The following TMEM64 variants were observed in gnomAD, a reference collection of about 807,000 sequenced individuals.
TMEM64 encodes the protein transmembrane protein 64.
TMEM64 carries 19 observed loss-of-function variants against 24.5 expected under a neutral mutation model. That is an observed-to-expected ratio of 0.78 (90% CI 0.54 to 1.14). The LOEUF (loss-of-function observed/expected upper bound fraction) is 1.14. Among genes scored for constraint, TMEM64 ranks in the 50% most tolerant of loss-of-function variants. The pLI is 0.00. For synonymous variants in TMEM64, 262 were observed against 224.7 expected (o/e 1.17, Z -1.49); for missense variants, 487 against 493.0 (o/e 0.99, Z 0.12).
chr8:90,645,723 G>GGCC lies in TMEM64; in HGVS notation c.180_182dup (p.Ala61dup). The GGCC allele has an allele frequency of 2.5e-6, 3 of 1,186,940 alleles. No homozygotes were observed. Among genetic ancestry groups the GGCC allele is most frequent in the Non-Finnish European group, 3.1e-6 (3 of 960,558 alleles). 73.5% of individuals were successfully genotyped at this position (1,186,940 alleles called of 1,614,324 possible). A position where few individuals can be genotyped will look rare whatever the true frequency, so the allele number is the denominator to read the frequency against. ...GATAGGCGCCGAGCAGGGCGCCCGA[G>GGCC]GCCGCCGCTGCTGCCGCCGCCGCGC... On this transcript the variant is annotated inframe_insertion, in exon 1 of 3. Transcript: ENST00000458549. The surrounding 1 kb of genome is among the most constrained non-coding windows in gnomAD (Gnocchi z 4.2).
Position 90,623,054 on chromosome 8 carries a change from G to C in TMEM64, c.*2617C>G, listed in dbSNP as rs1586123505. ...AACCTACATGACAAAATTTGGCAAA[G>C]AGTAAACAAAATCATTAACAATAAA... On this transcript the variant is annotated 3_prime_UTR_variant, in exon 3 of 3. Transcript: ENST00000458549. The C allele has an allele frequency of 6.6e-6, 1 of 151,880 alleles. No individual in the cohort carries two copies. The highest frequency in any genetic ancestry group is 1.9e-4 in the East Asian group (1 of 5,188). 9.4% of individuals were successfully genotyped at this position (151,880 alleles called of 1,614,324 possible).
intron 1 of TMEM64, among the ~76,000 whole-genome samples, chr8:90,639,159 T>C (rs2130507572): frequency 6.6e-6 from 1 of 151,484 alleles, no homozygotes; most frequent in Middle Eastern, 3.5e-3. Flanking sequence ...GCTGAGACCC[T>C]ACCCTAACAG....
At position 90,625,573 on chromosome 8, in the gene TMEM64, C is replaced by T. The variant is rs1809343779; in HGVS notation, c.*98G>A. ...TAAAAACTAGTCAGTTTTGTTTGTG[C>T]TGTAATACAATTAGAACTTGTCTCT... is the stretch of plus-strand genomic sequence containing the variant. On this transcript the variant is annotated 3_prime_UTR_variant, in exon 3 of 3. Coordinates refer to ENST00000458549, the MANE Select transcript of TMEM64 (RefSeq NM_001008495.4). 3 of 990,148 alleles carry T rather than the reference C, an allele frequency of 3.0e-6. No homozygotes were observed. In the South Asian group the frequency reaches 6.3e-5, roughly 21 times the overall value. 61.3% of individuals were successfully genotyped at this position (990,148 alleles called of 1,614,324 possible). A position where few individuals can be genotyped will look rare whatever the true frequency, so the allele number is the denominator to read the frequency against.
intron 1 of TMEM64, among the ~76,000 whole-genome samples, chr8:90,642,317 T>C (rs1206781027): frequency 9.2e-5 from 14 of 152,150 alleles, no homozygotes; most frequent in Admixed American, 9.2e-4. Context: ...TTCCAAAGCC[T>C]GGGCCTCACA....
chr8:90,622,376 T>TATTA lies in TMEM64; in HGVS notation c.*3294_*3295insTAAT, dbSNP rs1486105225. The stretch of plus-strand genomic sequence containing the variant: ...AGTGTTATACTGAACATCATTCTGA[T>TATTA]ATAATGAGTAGCCTCTGGCTGAAAC... On this transcript the variant is annotated 3_prime_UTR_variant, in exon 3 of 3. Transcript: ENST00000458549. 6.6e-6 allele frequency: 1 copy of TATTA among 152,230 alleles called. No individual in the cohort carries two copies. Among genetic ancestry groups the TATTA allele is most frequent in the Non-Finnish European group, 1.5e-5 (1 of 68,040 alleles). 9.4% of individuals were successfully genotyped at this position (152,230 alleles called of 1,614,324 possible).
intron 2 of TMEM64, 98 bp downstream of exon 2, chr8:90,631,454 A>T: frequency 9.2e-7 from 1 of 1,081,486 alleles, no homozygotes; most frequent in African/African-American, 1.6e-5. Context: ...AAAATGGAAA[A>T]ACCCTCTGAT....
intron 2 of TMEM64, among the ~76,000 whole-genome samples, chr8:90,626,854 T>A (rs1809368423): frequency 6.6e-6 from 1 of 152,060 alleles, no homozygotes; most frequent in African/African-American, 2.4e-5. Context: ...GGTCTCAAAC[T>A]CCTGACCTCA....
At chr8:90,631,410 TGTAGTAG>T in intron 2 of TMEM64, 135 bp downstream of exon 2, 1 of 602,912 alleles carries the variant, frequency 1.7e-6, no homozygotes, top group Non-Finnish European at 2.7e-6. Context: ...TGTCAAAATA[TGTAGTAG>T]TAATGAAAGA....
In TMEM64 at chr8:90,645,226, C is replaced by T. The variant is rs1008127054; in HGVS notation, c.680G>A (p.Ser227Asn). 8.7e-6 allele frequency: 14 copies of T among 1,614,012 alleles called. No homozygotes were observed. The highest frequency in any genetic ancestry group is 1.3e-5 in the African/African-American group (1 of 74,946). The change falls in exon 1 of 3, where the codon AGC becomes AAC. Residue 227 changes from serine (S) to asparagine (N), a missense_variant. By Grantham distance (46) the Ser-to-Asn change is conservative (BLOSUM62 1). This residue lies in a region of TMEM64 where 419 missense variants were observed against 407.5 expected (regional missense o/e 1.03). Coordinates refer to ENST00000458549, the MANE Select transcript of TMEM64 (RefSeq NM_001008495.4). This position sits in a 1 kb window ranked among gnomAD's most constrained non-coding sequence, Gnocchi z 4.2. Reference sequence around the variant, plus strand: ...AATAACCGCGCTCAGCTTCTCGCTGCTCTGGATCCTGGCGGCCACCCAGGC... The same window carrying T: ...AATAACCGCGCTCAGCTTCTCGCTGTTCTGGATCCTGGCGGCCACCCAGGC... ...LTAWVAARIQSSEKLSAVIRV... is the reference protein window; with the variant it reads ...LTAWVAARIQNSEKLSAVIRV...
intron 2 of TMEM64, among the ~76,000 whole-genome samples, chr8:90,626,354 A>G (rs76759186): frequency 0.014 from 2,193 of 152,372 alleles, 25 homozygotes; most frequent in Middle Eastern, 0.048. Flanking sequence ...AGACCACTTA[A>G]AAAAATGAAA....
chr8:90,622,562 A>G lies in TMEM64; in HGVS notation c.*3109T>C, dbSNP rs1374326330. ...AGCAACTTTCTCAAGCATTCTAAAG[A>G]TATCCCCAGAGCTAACAAATATTGA... On this transcript the variant is annotated 3_prime_UTR_variant, in exon 3 of 3. Transcript: ENST00000458549. 2 of 152,214 alleles carry G rather than the reference A, an allele frequency of 1.3e-5. No individual in the cohort carries two copies. The highest frequency in any genetic ancestry group is 2.9e-5 in the Non-Finnish European group (2 of 68,044). 9.4% of individuals were successfully genotyped at this position (152,214 alleles called of 1,614,324 possible). A position where few individuals can be genotyped will look rare whatever the true frequency, so the allele number is the denominator to read the frequency against.
chr8:90,631,772 T>A (rs1309907710), intron 1 of TMEM64, 65 bp from the exon 2 acceptor site: 6 of 1,435,802 alleles, frequency 4.2e-6, no homozygotes, highest in African/African-American at 2.8e-5. Flanking sequence ...CATAAAAAAA[T>A]GTGTGTATTA....
intron 1 of TMEM64, among the ~76,000 whole-genome samples, chr8:90,633,859 T>C (rs555657565): frequency 6.6e-6 from 1 of 152,312 alleles, no homozygotes; most frequent in African/African-American, 2.4e-5. Flanking sequence ...AGTGTTTTTC[T>C]TGTTTATTTG....
intron 1 of TMEM64, among the ~76,000 whole-genome samples, chr8:90,641,089 C>G (rs943494737): frequency 6.6e-6 from 1 of 152,184 alleles, no homozygotes; most frequent in African/African-American, 2.4e-5. Context: ...TTAAGGGCCT[C>G]TTCCTACAGT....
rs559481328 is a variant in TMEM64, at chr8:90,642,906, T to C, written c.795+2205A>G. 3.3e-5 allele frequency among the ~76,000 whole-genome samples: 5 copies of C among 152,360 alleles called. No individual in the cohort carries two copies. The South Asian group carries it at 1.0e-3, about 32-fold the overall frequency. ...AGTGAAATGGTGACAATAATACCTA[T>C]TGCAAGAGGCCATTTTTCTTTTTTT... is the stretch of plus-strand genomic sequence containing the variant. On this transcript the variant is annotated intron_variant, in intron 1 of 2. Transcript: ENST00000458549.
intron 1 of TMEM64, 47 bp from the exon 2 acceptor site, chr8:90,631,754 C>G (rs1434934879): frequency 6.6e-7 from 1 of 1,519,328 alleles, no homozygotes; most frequent in Non-Finnish European, 9.0e-7. Context: ...AGTAAAATTT[C>G]AATTCAACAT....
At chr8:90,644,561 T>C (rs1189959497) in intron 1 of TMEM64, among the ~76,000 whole-genome samples, 2 of 152,234 alleles carry the variant, frequency 1.3e-5, no homozygotes, top group Non-Finnish European at 2.9e-5. Context: ...AGATAAACAG[T>C]AGGATTTTCT....
chr8:90,627,656 A>C (rs1809379251), intron 2 of TMEM64, among the ~76,000 whole-genome samples: 2 of 152,180 alleles, frequency 1.3e-5, no homozygotes, highest in South Asian at 4.1e-4. Flanking sequence ...TCTTGACCCA[A>C]ATACACATAT....
rs1416784515 is a variant in TMEM64 at position 90,623,230 on chromosome 8, C to T, written c.*2441G>A. 2 of 152,194 alleles carry T rather than the reference C, an allele frequency of 1.3e-5. No individual in the cohort carries two copies. Among genetic ancestry groups the T allele is most frequent in the East Asian group, 3.9e-4 (2 of 5,184 alleles). 9.4% of individuals were successfully genotyped at this position (152,194 alleles called of 1,614,324 possible). ...GTCTGAGAAATTTGACATTTCATTT[C>T]TATAAATATACATGAGTGGAGACAT... On this transcript the variant is annotated 3_prime_UTR_variant, in exon 3 of 3. Coordinates refer to ENST00000458549, the MANE Select transcript of TMEM64 (RefSeq NM_001008495.4).
Sources: gnomAD v4.1 joint callset for allele counts (sites outside exome capture counted in the v4.1 genomes callset) on GRCh38, gnomAD v4.1.1 for gene constraint, gnomAD v4.1.1 regional missense constraint, Gnocchi (gnomAD v3.1) non-coding constraint, MANE v1.5 for transcripts, NCBI Gene and HGNC (gene_info 2026-07-23, HGNC 2026-07-21) for gene names.